GHR: variants seen among roughly 807,000 people sequenced by gnomAD.
GHR encodes growth hormone receptor, also known as GH receptor.
GHR carries 35 observed loss-of-function variants against 67.1 expected under a neutral mutation model. The ratio of observed to expected loss-of-function variants is 0.52; its 90% CI spans 0.40 to 0.69. The LOEUF (loss-of-function observed/expected upper bound fraction) is 0.69. Among genes scored for constraint, GHR ranks in the 30% least tolerant of loss-of-function variants. The pLI is 0.00. For synonymous variants in GHR, 272 were observed against 269.1 expected (o/e 1.01, Z -0.10); for missense variants, 792 against 764.6 (o/e 1.04, Z -0.42).
intron 2 of GHR, among the ~76,000 whole-genome samples, chr5:42,590,503 T>C (rs1394585759): frequency 2.0e-5 from 3 of 152,162 alleles, no homozygotes; most frequent in Non-Finnish European, 4.4e-5. Context: ...GAGATGGGAA[T>C]CAAGAAAATG....
At chr5:42,588,120 G>A (rs1423644422) in intron 2 of GHR, among the ~76,000 whole-genome samples, 1 of 152,134 alleles carries the variant, frequency 6.6e-6, no homozygotes, top group Non-Finnish European at 1.5e-5. Flanking sequence ...ATAAAATTAT[G>A]CCTTAAGTCA....
chr5:42,488,390 A>G (rs935782358), intron 1 of GHR, among the ~76,000 whole-genome samples: 4 of 152,326 alleles, frequency 2.6e-5, no homozygotes, highest in Admixed American at 2.0e-4. Context: ...GGTTTCTGCA[A>G]TTCTAAAGCC....
chr5:42,625,430 G>A (rs1048693997), intron 2 of GHR, among the ~76,000 whole-genome samples: 5 of 152,160 alleles, frequency 3.3e-5, no homozygotes, highest in African/African-American at 7.2e-5. Flanking sequence ...TGGTGTCAAC[G>A]AAAAGAGTCA....
chr5:42,425,742 CTCA>C (rs1742824057), intron 1 of GHR, among the ~76,000 whole-genome samples: 1 of 152,172 alleles, frequency 6.6e-6, no homozygotes, highest in Non-Finnish European at 1.5e-5. Flanking sequence ...TGTCCCGTCT[CTCA>C]TCATCTTCTT....
At chr5:42,451,635 G>A (rs989439007) in intron 1 of GHR, among the ~76,000 whole-genome samples, 1 of 151,180 alleles carries the variant, frequency 6.6e-6, no homozygotes, top group Non-Finnish European at 1.5e-5. Context: ...GAACCCAGGA[G>A]GTGGAGGTCA....
At chr5:42,551,172 A>G (rs1156550741) in intron 1 of GHR, among the ~76,000 whole-genome samples, 1 of 152,220 alleles carries the variant, frequency 6.6e-6, no homozygotes, top group Non-Finnish European at 1.5e-5. Flanking sequence ...TTGATGCAGT[A>G]GGCCTGTGTC....
At chr5:42,549,733 A>G (rs1425860435) in intron 1 of GHR, 1 of 876,528 alleles carries the variant, frequency 1.1e-6, no homozygotes, top group East Asian at 1.2e-4. Flanking sequence ...ACATGGCTGG[A>G]TGTACCTCTC....
At chr5:42,474,017 A>T (rs1254212728) in intron 1 of GHR, among the ~76,000 whole-genome samples, 1 of 151,744 alleles carries the variant, frequency 6.6e-6, no homozygotes, top group African/African-American at 2.4e-5. Context: ...GCGAAACCTT[A>T]TCTCTACTAA....
intron 2 of GHR, among the ~76,000 whole-genome samples, chr5:42,620,040 ACAG>A (rs1249548781): frequency 6.6e-6 from 1 of 152,172 alleles, no homozygotes; most frequent in African/African-American, 2.4e-5. Context: ...CACGCGGGTG[ACAG>A]TGAGTGGAAG....
intron 1 of GHR, chr5:42,468,721 GC>G (rs1231241150): frequency 6.1e-5 from 60 of 986,666 alleles, no homozygotes; most frequent in Non-Finnish European, 4.8e-6. Flanking sequence ...GCCGCTCTTG[GC>G]CCCAGAGACG....
At chr5:42,640,170 C>T (rs937544067) in intron 3 of GHR, among the ~76,000 whole-genome samples, 1 of 152,088 alleles carries the variant, frequency 6.6e-6, no homozygotes, top group African/African-American at 2.4e-5. Flanking sequence ...TTATTCTTAT[C>T]AGTGGTTGTG....
chr5:42,580,118 T>C (rs976326885), intron 2 of GHR, among the ~76,000 whole-genome samples: 21 of 152,310 alleles, frequency 1.4e-4, no homozygotes, highest in Non-Finnish European at 2.4e-4. Flanking sequence ...TATGATTCAG[T>C]GAACATATTT....
chr5:42,592,568 T>C (rs77286868), intron 2 of GHR, among the ~76,000 whole-genome samples: 4,339 of 152,322 alleles, frequency 0.028, 203 homozygotes, highest in African/African-American at 0.1. Flanking sequence ...CTTCCAGCAC[T>C]ATCCATGTGG....
intron 1 of GHR, among the ~76,000 whole-genome samples, chr5:42,426,370 A>G (rs1250864225): frequency 6.6e-6 from 1 of 152,192 alleles, no homozygotes; most frequent in East Asian, 1.9e-4. Context: ...GTAGTGAGAA[A>G]GTGGGACAGT....
intron 2 of GHR, among the ~76,000 whole-genome samples, chr5:42,577,582 C>A (rs1483670123): frequency 6.6e-6 from 1 of 152,124 alleles, no homozygotes; most frequent in Non-Finnish European, 1.5e-5. Context: ...AATGAACTTG[C>A]TAGTTTTGAT....
intron 3 of GHR, among the ~76,000 whole-genome samples, chr5:42,681,573 A>T (rs146713454): frequency 6.6e-6 from 1 of 152,224 alleles, no homozygotes; most frequent in Non-Finnish European, 1.5e-5. Flanking sequence ...ATCTAGAACT[A>T]GAAATACCAT....
chr5:42,502,997 G>A (rs892927827), intron 1 of GHR, among the ~76,000 whole-genome samples: 10 of 152,074 alleles, frequency 6.6e-5, no homozygotes, highest in African/African-American at 2.2e-4. Context: ...AGGTACAGCA[G>A]GTTCTACTGG....
chr5:42,506,804 C>A (rs1161762702), intron 1 of GHR, among the ~76,000 whole-genome samples: 1 of 152,134 alleles, frequency 6.6e-6, no homozygotes, highest in East Asian at 1.9e-4. Flanking sequence ...CATTTAACAG[C>A]AGATTTTTCT....
intron 1 of GHR, among the ~76,000 whole-genome samples, chr5:42,457,538 G>C (rs1744312301): frequency 6.6e-6 from 1 of 152,146 alleles, no homozygotes; most frequent in South Asian, 2.1e-4. Context: ...GGAACACAGA[G>C]GCTCAAAGCA....
Sources: gnomAD v4.1 joint callset for allele counts (sites outside exome capture counted in the v4.1 genomes callset) on GRCh38, gnomAD v4.1.1 for gene constraint, MANE v1.5 for transcripts, NCBI Gene and HGNC (gene_info 2026-07-23, HGNC 2026-07-21) for gene names.